The following ZNF610 variants were observed in gnomAD, a reference collection of about 807,000 sequenced individuals.
The protein encoded by ZNF610 is zink finger protein.
Under a neutral mutation model 14.1 loss-of-function variants are expected in ZNF610, and 14 were observed. The ratio of observed to expected loss-of-function variants is 0.99; its 90% CI spans 0.65 to 1.55. The LOEUF (loss-of-function observed/expected upper bound fraction) is 1.55. ZNF610 is among the 40% of genes most tolerant of loss of function. The probability of loss-of-function intolerance (pLI) is 0.00; values close to 1 mark genes in which losing one functional copy is unlikely to be tolerated. For synonymous variants in ZNF610, 185 were observed against 187.6 expected (o/e 0.99, Z 0.11); for missense variants, 530 against 558.0 (o/e 0.95, Z 0.51).
intron 1 of ZNF610, among the ~76,000 whole-genome samples, chr19:52,344,414 T>C (rs1384075730): frequency 6.6e-6 from 1 of 152,066 alleles, no homozygotes; most frequent in Non-Finnish European, 1.5e-5. Context: ...TCCCTTTTCC[T>C]GCCACTGTCT....
intron 5 of ZNF610, among the ~76,000 whole-genome samples, 154 bp downstream of exon 5, chr19:52,354,533 C>T (rs1405739826): frequency 6.6e-6 from 1 of 151,746 alleles, no homozygotes; most frequent in African/African-American, 2.4e-5. Context: ...CTGCCTTGGC[C>T]TCCCAAAGTT....
upstream of ZNF610, among the ~76,000 whole-genome samples, chr19:52,332,906 A>G (rs1412763718): frequency 6.6e-6 from 1 of 152,238 alleles, no homozygotes; most frequent in African/African-American, 2.4e-5. This position sits in a 1 kb window ranked among gnomAD's most constrained non-coding sequence, Gnocchi z 4.1. Flanking sequence ...CAAAGGCATC[A>G]GGTCCAATAA....
chr19:52,336,723 T>C (rs1984401959), intron 1 of ZNF610, among the ~76,000 whole-genome samples: 1 of 152,142 alleles, frequency 6.6e-6, no homozygotes, highest in Admixed American at 6.5e-5. Context: ...ACCCCACACT[T>C]CTAATAATTC....
chr19:52,348,105 T>C (rs1479354272), intron 2 of ZNF610, 161 bp downstream of exon 2: 1 of 152,220 alleles, frequency 6.6e-6, no homozygotes, highest in Non-Finnish European at 1.5e-5. Context: ...TTTTTAGCAA[T>C]AGGCTATACC....
In ZNF610 at chr19:52,349,235, G is replaced by C. The variant is rs1985121839; in HGVS notation, c.63G>C (p.Gln21His). 2 of 1,612,956 alleles carry C rather than the reference G, an allele frequency of 1.2e-6. No homozygotes were observed. Among genetic ancestry groups the C allele is most frequent in the African/African-American group, 2.7e-5 (2 of 74,844 alleles). Residue 21 changes from glutamine (Q) to histidine (H), a missense_variant and splice_region_variant, in exon 3 of 6, where the codon CAG (glutamine) becomes CAC (histidine). By Grantham distance (24) the Gln-to-His change is conservative (BLOSUM62 0). Transcript: ENST00000403906. ...AGGAGTCAGGGATGGCTCTTCCTCA[G>C]GTAAAGTGATATTCTCGGTGGTTGG... ...KAKESGMALP[Q>H]GRLTFMDVAI...
At chr19:52,334,936 A>AACAAACACACAC (rs1555800373), upstream of ZNF610, among the ~76,000 whole-genome samples, 8 of 41,536 alleles carry the variant, frequency 1.9e-4, no homozygotes, top group African/African-American at 7.9e-4. Context: ...CTCAAAAACA[A>AACAAACACACAC]ACACACACAC....
At chr19:52,359,771 G>A (rs1120184) in intron 5 of ZNF610, among the ~76,000 whole-genome samples, 26,476 of 151,968 alleles carry the variant, frequency 0.17, 2,741 homozygotes, top group East Asian at 0.32. Flanking sequence ...CAGATCCCAC[G>A]GGTTGAGGGC....
chr19:52,366,359 C>T lies in ZNF610; in HGVS notation c.981C>T (p.His327=). ...ATGAGTGTGGCAAGAACTTCAGGCACAAATTTTCTCTAACCAATCATCAGA... is the reference window on the plus strand; with the variant it reads ...ATGAGTGTGGCAAGAACTTCAGGCATAAATTTTCTCTAACCAATCATCAGA... ...KCNECGKNFR[H]KFSLTNHQRS... The change falls in exon 6 of 6, where the codon CAC becomes CAT. Residue 327 remains histidine (H), a synonymous_variant. Transcript: ENST00000403906. 2 of 1,613,890 alleles carry T rather than the reference C, an allele frequency of 1.2e-6. No individual in the cohort carries two copies. The highest frequency in any genetic ancestry group is 3.3e-5 in the Admixed American group (2 of 59,990).
intron 5 of ZNF610, among the ~76,000 whole-genome samples, chr19:52,355,441 T>G (rs1985477813): frequency 6.6e-6 from 1 of 152,250 alleles, no homozygotes; most frequent in East Asian, 1.9e-4. Flanking sequence ...TATTCTCACA[T>G]GCCACTCAGC....
At chr19:52,365,212 G>A (rs1442950838) in intron 5 of ZNF610, among the ~76,000 whole-genome samples, 2 of 151,276 alleles carry the variant, frequency 1.3e-5, no homozygotes, top group African/African-American at 4.9e-5. Context: ...ACTCCAGCCT[G>A]GGGCAACAGA....
chr19:52,351,506 G>T (rs148011152), intron 3 of ZNF610, among the ~76,000 whole-genome samples: 135 of 149,776 alleles, frequency 9.0e-4, no homozygotes, highest in African/African-American at 2.9e-3. Context: ...TTTTGTGCCT[G>T]GCGTGGTTCA....
chr19:52,333,122 A>G (rs1004157219), upstream of ZNF610, among the ~76,000 whole-genome samples: 64 of 152,234 alleles, frequency 4.2e-4, 2 homozygotes, highest in Non-Finnish European at 1.5e-5. Context: ...AGGACAGAGG[A>G]TACACTACAG....
rs1489206142 is a variant in ZNF610, at chr19:52,336,374, C to T, written c.-390C>T. ...CCGGGATCTGAGAGTCAACACAGAC[C>T]TTGAAATCCCCGCACCGCTCCCTCC... On this transcript the variant is annotated 5_prime_UTR_variant, in exon 1 of 6. Transcript: ENST00000403906. 3.8e-5 allele frequency: 9 copies of T among 235,538 alleles called. No individual in the cohort carries two copies. The highest frequency in any genetic ancestry group is 5.7e-5 in the Non-Finnish European group (7 of 122,634). 14.6% of individuals were successfully genotyped at this position (235,538 alleles called of 1,614,324 possible). A position where few individuals can be genotyped will look rare whatever the true frequency, so the allele number is the denominator to read the frequency against.
intron 2 of ZNF610, chr19:52,348,191 C>G (rs1032578150): frequency 6.6e-6 from 1 of 152,110 alleles, no homozygotes; most frequent in African/African-American, 2.4e-5. Flanking sequence ...GGTCTGAAAA[C>G]ACATTTCTCA....
chr19:52,365,647 G>A (rs776354500), intron 5 of ZNF610, 51 bp from the exon 6 acceptor site: 1 of 1,508,768 alleles, frequency 6.6e-7, no homozygotes, highest in Non-Finnish European at 8.9e-7. Flanking sequence ...CCACCAGACG[G>A]TAAACATGCC....
At position 52,357,579 on chromosome 19, in the gene ZNF610, A is replaced by T. The variant is rs375836602; in HGVS notation, c.319+3200A>T. 5.7e-3 allele frequency among the ~76,000 whole-genome samples: 744 copies of T among 131,498 alleles called. 9 individuals carry two copies. Among genetic ancestry groups the T allele is most frequent in the African/African-American group, 0.021 (724 of 34,844 alleles). 86.3% of individuals were successfully genotyped at this position (131,498 alleles called of 152,430 possible). ...AGAATGGCCTGAACCCGGGAGGCGG[A>T]GCTTGCAGTGAGCGGAGATGGTGCC... On this transcript the variant is annotated intron_variant, in intron 5 of 5. Coordinates refer to ENST00000403906, the MANE Select transcript of ZNF610 (RefSeq NM_001161425.2).
rs767230927 is a variant in ZNF610, at chr19:52,354,234, T to A, written c.191-17T>A. ...GAAATGCCCCAGCACATCTTGTTTC[T>A]TTCTTTTTATTAACAGGAATCTGTC... On this transcript the variant is annotated splice_polypyrimidine_tract_variant and intron_variant, in intron 4 of 5. Coordinates refer to ENST00000403906, the MANE Select transcript of ZNF610 (RefSeq NM_001161425.2). 6.2e-6 allele frequency: 10 copies of A among 1,613,032 alleles called. No individual in the cohort carries two copies. Among genetic ancestry groups the A allele is most frequent in the African/African-American group, 1.3e-5 (1 of 74,888 alleles).
At chr19:52,349,625 T>A (rs1343882982) in intron 3 of ZNF610, among the ~76,000 whole-genome samples, 1 of 149,794 alleles carries the variant, frequency 6.7e-6, no homozygotes, top group Admixed American at 6.8e-5. Context: ...CAGGCTGGAG[T>A]GCAGTGGCAC....
At chr19:52,353,635 C>G (rs542900699) in intron 3 of ZNF610, 47 bp from the exon 4 acceptor site, 4 of 1,601,136 alleles carry the variant, frequency 2.5e-6, no homozygotes. Flanking sequence ...AAATTGAGTA[C>G]AATTTCTACA....
Sources: allele counts gnomAD v4.1 joint callset (sites outside exome capture counted in the v4.1 genomes callset), GRCh38; gene constraint gnomAD v4.1.1; non-coding constraint Gnocchi (gnomAD v3.1); transcripts MANE v1.5; gene names NCBI Gene and HGNC (gene_info 2026-07-23, HGNC 2026-07-21).